AP3M2: variants seen among roughly 807,000 people sequenced by gnomAD.
The protein encoded by AP3M2 is adaptor related protein complex 3 subunit mu 2.
Under a neutral mutation model 41.6 loss-of-function variants are expected in AP3M2, and 28 were observed. The observed-to-expected ratio is 0.67, with a 90% confidence interval of 0.50 to 0.92. The LOEUF is 0.92. Ranked by LOEUF, AP3M2 falls within the 40% of genes least tolerant of loss-of-function variation. The pLI is 0.00. For synonymous variants in AP3M2, 193 were observed against 186.4 expected, an observed-to-expected ratio of 1.04 and a Z score of -0.29; for missense variants, 427 against 521.4, an observed-to-expected ratio of 0.82 and a Z score of 1.76.
intron 3 of AP3M2, among the ~76,000 whole-genome samples, chr8:42,159,233 C>T (rs766524783): frequency 6.6e-6 from 1 of 152,194 alleles, no homozygotes; most frequent in Non-Finnish European, 1.5e-5. Context: ...CCTTGGTGCA[C>T]ATCTGGGATG....
At position 42,167,210 on chromosome 8, in the gene AP3M2, G is replaced by A; in HGVS notation, c.850G>A (p.Asp284Asn). 1.2e-6 allele frequency: 2 copies of A among 1,614,080 alleles called. No homozygotes were observed. The highest frequency in any genetic ancestry group is 1.7e-6 in the Non-Finnish European group (2 of 1,180,008). ...TGTCAAACATAACATCAGTTTCCGG[G>A]ACAGTAGTTCCCTTGGACGCTTTGA... ...VYVKHNISFR[D>N]SSSLGRFEIT... Residue 284 changes from aspartate (D) to asparagine (N), a missense_variant, in exon 7 of 9, where the codon GAC (aspartate) becomes AAC (asparagine). Transcript: ENST00000396926.
chr8:42,165,146 T>C lies in AP3M2; in HGVS notation c.659T>C (p.Leu220Pro), dbSNP rs932465202. The C allele has an allele frequency of 6.2e-7, 1 of 1,613,806 alleles. No homozygotes were observed. The highest frequency in any genetic ancestry group is 1.1e-5 in the South Asian group (1 of 91,012). ...VKLTGMPDLT[L>P]SFMNPRLLDD... is the part of the protein sequence containing the mutation. The stretch of plus-strand genomic sequence containing the variant: ...CTGACTGGCATGCCAGACCTTACAC[T>C]TTCCTTCATGGTAAAATCCTGGGCC... Residue 220 changes from leucine (L) to proline (P), a missense_variant, in exon 5 of 9, where the codon CTT (leucine) becomes CCT (proline). Leu to Pro is a moderately conservative substitution (Grantham distance 98, BLOSUM62 -3). Transcript: ENST00000396926.
intron 6 of AP3M2, 123 bp downstream of exon 6, chr8:42,165,683 T>C: frequency 8.0e-7 from 1 of 1,255,830 alleles, no homozygotes; most frequent in Non-Finnish European, 1.1e-6. Flanking sequence ...CTTCTGTGGT[T>C]ACTAATTGGG....
chr8:42,156,979 A>ACAT (rs1804371032), intron 2 of AP3M2, among the ~76,000 whole-genome samples: 1 of 152,210 alleles, frequency 6.6e-6, no homozygotes, highest in African/African-American at 2.4e-5. Context: ...GAACTTTGGA[A>ACAT]TGATCAGAGC....
rs766750104 is a variant in AP3M2, at chr8:42,167,350, C to T, written c.990C>T (p.His330=). ...NMSLTPSQGT[H]TFDPVTKMLS... is the part of the protein sequence containing the mutation. ...GCCTTACTCCATCACAGGGGACACA[C>T]ACATTCGACCCAGTCACAAAGGTAG... Residue 330 remains histidine, a synonymous_variant, in exon 7 of 9, where the codon CAC becomes CAT. Transcript: ENST00000396926. 2 of 1,614,142 alleles carry T rather than the reference C, an allele frequency of 1.2e-6. No homozygotes were observed. Among genetic ancestry groups the T allele is most frequent in the South Asian group, 2.2e-5 (2 of 91,074 alleles).
At chr8:42,164,956 GGA>G (rs1437389308) in intron 4 of AP3M2, 113 bp from the exon 5 acceptor site, 3 of 806,344 alleles carry the variant, frequency 3.7e-6, no homozygotes, top group African/African-American at 1.7e-5. Flanking sequence ...GGAAGGGGAG[GGA>G]GAGAGAGGAA....
At chr8:42,167,844 G>T (rs956339799) in intron 8 of AP3M2, 34 bp downstream of exon 8, 1 of 1,576,592 alleles carries the variant, frequency 6.3e-7, no homozygotes, top group South Asian at 1.2e-5. Context: ...GCTCCAAAGG[G>T]AACAAAAACG....
In AP3M2 at chr8:42,170,886, G is replaced by A; in HGVS notation, c.*1825G>A. The stretch of plus-strand genomic sequence containing the variant: ...AATCTTGGTCCCTGAATATTTCTAG[G>A]TTTGTAAGTGCAGCAGTTTTATTTC... On this transcript the variant is annotated 3_prime_UTR_variant, in exon 9 of 9. Coordinates refer to ENST00000396926, the MANE Select transcript of AP3M2 (RefSeq NM_006803.4). 6.6e-6 allele frequency: 1 copy of A among 152,202 alleles called. No individual in the cohort carries two copies. The highest frequency in any genetic ancestry group is 1.9e-4 in the East Asian group (1 of 5,202). The allele number at this position is 152,202 out of a possible 1,614,324, so 9.4% of individuals were successfully genotyped here. A position where few individuals can be genotyped will look rare whatever the true frequency, so the allele number is the denominator to read the frequency against.
chr8:42,166,553 G>A (rs909009080), intron 6 of AP3M2, among the ~76,000 whole-genome samples: 2 of 137,106 alleles, frequency 1.5e-5, no homozygotes, highest in Admixed American at 1.5e-4. Context: ...CCAGGAGTTC[G>A]AGACCAGCAT....
chr8:42,156,336 G>A (rs1175812759), intron 2 of AP3M2, among the ~76,000 whole-genome samples: 2 of 152,224 alleles, frequency 1.3e-5, no homozygotes, highest in Non-Finnish European at 2.9e-5. Context: ...TCTTGAAGCA[G>A]TTGTTAAAAG....
intron 4 of AP3M2, among the ~76,000 whole-genome samples, chr8:42,163,951 T>C (rs116033886): frequency 7.8e-4 from 118 of 152,222 alleles, no homozygotes; most frequent in African/African-American, 2.6e-3. Flanking sequence ...ATGTGAGTGA[T>C]TGAAGAGTTT....
intron 6 of AP3M2, among the ~76,000 whole-genome samples, chr8:42,166,591 C>CAAAAAAAAAAAAAAAAAAAAAA (rs56858276): frequency 3.2e-4 from 25 of 77,062 alleles, no homozygotes; most frequent in Non-Finnish European, 4.1e-4. Context: ...CTTGTCTCTA[C>CAAAAAAAAAAAAAAAAAAAAAA]AAAAAAAAAA....
At position 42,162,318 on chromosome 8, in the gene AP3M2, G is replaced by A. The variant is rs1433799703; in HGVS notation, c.483G>A (p.Gln161=). 1.9e-6 allele frequency: 3 copies of A among 1,613,856 alleles called. No individual in the cohort carries two copies. In the African/African-American group the frequency reaches 4.0e-5, roughly 22 times the overall value. The change falls in exon 4 of 9, where the codon CAG becomes CAA. Residue 161 remains glutamine (Q), a synonymous_variant. Coordinates refer to ENST00000396926, the MANE Select transcript of AP3M2 (RefSeq NM_006803.4). ...TGGGTGACCAGCTTCCCACTGGGCA[G>A]CTGTCAGTGGTGCCTTGGCGACGGA... ...TNVGDQLPTG[Q]LSVVPWRRTG...
chr8:42,169,821 A>C lies in AP3M2; in HGVS notation c.*760A>C, dbSNP rs1385398369. On this transcript the variant is annotated 3_prime_UTR_variant, in exon 9 of 9. Coordinates refer to ENST00000396926, the MANE Select transcript of AP3M2 (RefSeq NM_006803.4). Reference sequence around the variant, plus strand: ...CATCAGCACTTGGTCTCTTATCTTCAGTGAGAAGGTGACCCGCCTTCTTCC... The same window carrying C: ...CATCAGCACTTGGTCTCTTATCTTCCGTGAGAAGGTGACCCGCCTTCTTCC... 2 of 152,230 alleles carry C rather than the reference A, an allele frequency of 1.3e-5. No individual in the cohort carries two copies. The highest frequency in any genetic ancestry group is 2.9e-5 in the Non-Finnish European group (2 of 68,056). The allele number at this position is 152,230 out of a possible 1,614,324, so 9.4% of individuals were successfully genotyped here. A position where few individuals can be genotyped will look rare whatever the true frequency, so the allele number is the denominator to read the frequency against.
At position 42,154,837 on chromosome 8, in the gene AP3M2, T is replaced by A; in HGVS notation, c.150T>A (p.Pro50=). The change falls in exon 2 of 9, where the codon CCT becomes CCA. Residue 50 remains proline, a synonymous_variant. Coordinates refer to ENST00000396926, the MANE Select transcript of AP3M2 (RefSeq NM_006803.4). ...TEAENVPPVI[P]TPHHYLLSVY... ...CAGAAAATGTGCCTCCGGTTATCCC[T>A]ACCCCTCACCACTATCTCTTAAGTG... The A allele has an allele frequency of 6.2e-7, 1 of 1,614,198 alleles. No individual in the cohort carries two copies. The highest frequency in any genetic ancestry group is 8.5e-7 in the Non-Finnish European group (1 of 1,180,034).
intron 3 of AP3M2, among the ~76,000 whole-genome samples, chr8:42,160,552 G>A (rs1256753297): frequency 6.6e-6 from 1 of 152,170 alleles, no homozygotes; most frequent in Non-Finnish European, 1.5e-5. Context: ...GACAAAAACA[G>A]GAGAATGTCT....
At position 42,170,012 on chromosome 8, in the gene AP3M2, G is replaced by A. The variant is rs1307569031; in HGVS notation, c.*951G>A. 1 of 152,158 alleles carries A rather than the reference G, an allele frequency of 6.6e-6. No individual in the cohort carries two copies. The highest frequency in any genetic ancestry group is 2.4e-5 in the African/African-American group (1 of 41,448). The allele number at this position is 152,158 out of a possible 1,614,324, so 9.4% of individuals were successfully genotyped here. ...TCCCATAATCCCCAGTGCAGCCAGGGTTTGTGTGTCATCGTACTGGAGTAG... is the reference window on the plus strand; with the variant it reads ...TCCCATAATCCCCAGTGCAGCCAGGATTTGTGTGTCATCGTACTGGAGTAG... On this transcript the variant is annotated 3_prime_UTR_variant, in exon 9 of 9. Transcript: ENST00000396926.
At chr8:42,154,585 T>C in intron 1 of AP3M2, 31 bp from the exon 2 acceptor site, 3 of 1,503,378 alleles carry the variant, frequency 2.0e-6, no homozygotes, top group Non-Finnish European at 2.7e-6. Context: ...TTTGGTTGAA[T>C]GGAACTGAAT....
chr8:42,165,169 G>GGCCAGAGGGA lies in AP3M2; in HGVS notation c.669+13_669+14insGCCAGAGGGA. On this transcript the variant is annotated intron_variant, in intron 5 of 8. Coordinates refer to ENST00000396926, the MANE Select transcript of AP3M2 (RefSeq NM_006803.4). ...ACTTTCCTTCATGGTAAAATCCTGG[G>GGCCAGAGGGA]CCAGAGATTAAGTTCTTGGGATGAG... 6.2e-7 allele frequency: 1 copy of GGCCAGAGGGA among 1,611,240 alleles called. No individual in the cohort carries two copies. The highest frequency in any genetic ancestry group is 8.5e-7 in the Non-Finnish European group (1 of 1,177,966).
Sources: allele counts gnomAD v4.1 joint callset (sites outside exome capture counted in the v4.1 genomes callset), GRCh38; gene constraint gnomAD v4.1.1; transcripts MANE v1.5; gene names NCBI Gene and HGNC (gene_info 2026-07-23, HGNC 2026-07-21).